GAS7: variants seen among roughly 807,000 people sequenced by gnomAD.
GAS7 encodes growth arrest-specific protein 7.
A neutral mutation model predicts 71.1 loss-of-function variants in GAS7; 28 were observed. The ratio of observed to expected loss-of-function variants is 0.39; its 90% CI spans 0.29 to 0.54. GAS7 has a LOEUF of 0.54. Ranked by LOEUF, GAS7 falls within the 20% of genes least tolerant of loss-of-function variation. GAS7 has a pLI of 0.62. For missense variants in GAS7, 436 were observed against 627.8 expected, an observed-to-expected ratio of 0.69 and a Z score of 3.27; for synonymous variants, 258 against 245.8, an observed-to-expected ratio of 1.05 and a Z score of -0.46.
chr17:9,929,037 C>T (rs989254666), intron 9 of GAS7, among the ~76,000 whole-genome samples: 8 of 152,152 alleles, frequency 5.3e-5, no homozygotes, highest in African/African-American at 1.9e-4. Flanking sequence ...AGGAAAACAT[C>T]CCCACCTGGC....
chr17:10,174,989 G>A (rs981490120), intron 1 of GAS7, among the ~76,000 whole-genome samples: 6 of 152,050 alleles, frequency 3.9e-5, no homozygotes, highest in Non-Finnish European at 5.9e-5. Context: ...GGGACCACAC[G>A]TGCATGCCAC....
At position 10,127,998 on chromosome 17, in the gene GAS7, T is replaced by C. The variant is rs550813020; in HGVS notation, c.183+70210A>G. Among the ~76,000 whole-genome samples, 4 of 152,292 alleles carry C rather than the reference T, an allele frequency of 2.6e-5. No individual in the cohort carries two copies. In the South Asian group the frequency reaches 8.3e-4, roughly 32 times the overall value. On this transcript the variant is annotated intron_variant, in intron 1 of 13. Coordinates refer to ENST00000432992, the MANE Select transcript of GAS7 (RefSeq NM_201433.2). ...ATCCTCTGCTCTCAGGCGTTCAGCTTGGATGGACTCCGAGGGGAGGCAGCA... is the reference window on the plus strand; with the variant it reads ...ATCCTCTGCTCTCAGGCGTTCAGCTCGGATGGACTCCGAGGGGAGGCAGCA...
At chr17:10,044,073 T>TGACAAGCAATTG (rs1476666104) in intron 1 of GAS7, among the ~76,000 whole-genome samples, 1 of 152,268 alleles carries the variant, frequency 6.6e-6, no homozygotes, top group Non-Finnish European at 1.5e-5. Context: ...GACGTCAGTC[T>TGACAAGCAATTG]ACGGTACCTG....
At chr17:9,948,756 A>G (rs945388085) in intron 5 of GAS7, among the ~76,000 whole-genome samples, 4 of 151,742 alleles carry the variant, frequency 2.6e-5, no homozygotes, top group African/African-American at 9.7e-5. Context: ...AGAAATTTTC[A>G]GGTCATCTCA....
chr17:10,192,712 A>G (rs2074511538), intron 1 of GAS7, among the ~76,000 whole-genome samples: 1 of 152,226 alleles, frequency 6.6e-6, no homozygotes, highest in South Asian at 2.1e-4. Context: ...TGGGGTAGCC[A>G]CTGACCAGTC....
intron 1 of GAS7, among the ~76,000 whole-genome samples, chr17:10,174,469 G>A (rs2142134863): frequency 6.6e-6 from 1 of 152,274 alleles, no homozygotes; most frequent in Non-Finnish European, 1.5e-5. Context: ...GAGACGGGCG[G>A]ATCACGAGGT....
At chr17:10,081,209 C>A (rs1028465363) in intron 1 of GAS7, among the ~76,000 whole-genome samples, 1 of 152,136 alleles carries the variant, frequency 6.6e-6, no homozygotes, top group East Asian at 1.9e-4. Flanking sequence ...GGCTGGAGTG[C>A]GATGGCGCGA....
intron 1 of GAS7, among the ~76,000 whole-genome samples, chr17:10,183,503 C>T (rs2074431089): frequency 6.6e-6 from 1 of 152,172 alleles, no homozygotes; most frequent in South Asian, 2.1e-4. Context: ...GCTCTTCTAC[C>T]AGGCTCTCCT....
At chr17:10,196,165 GCT>G (rs1255435513) in intron 1 of GAS7, among the ~76,000 whole-genome samples, 1 of 152,106 alleles carries the variant, frequency 6.6e-6, no homozygotes, top group Non-Finnish European at 1.5e-5. Flanking sequence ...TCGCTCACAC[GCT>G]GTTTGGCATA....
intron 1 of GAS7, among the ~76,000 whole-genome samples, chr17:10,111,413 G>C (rs1335120941): frequency 6.6e-6 from 1 of 152,220 alleles, no homozygotes; most frequent in East Asian, 1.9e-4. Context: ...TGCACCTGTA[G>C]TCTCAGCTAC....
chr17:10,079,859 A>G (rs888371618), intron 1 of GAS7, among the ~76,000 whole-genome samples: 3 of 152,236 alleles, frequency 2.0e-5, no homozygotes, highest in Admixed American at 6.5e-5. Flanking sequence ...TAAAGAAAAA[A>G]AATACACCAC....
At chr17:10,077,651 C>G (rs2073409838) in intron 1 of GAS7, among the ~76,000 whole-genome samples, 1 of 152,162 alleles carries the variant, frequency 6.6e-6, no homozygotes, top group Non-Finnish European at 1.5e-5. Context: ...ACTCTCAAGG[C>G]AAACTAGTCC....
At chr17:9,990,365 G>C (rs981305606) in intron 2 of GAS7, among the ~76,000 whole-genome samples, 1 of 152,214 alleles carries the variant, frequency 6.6e-6, no homozygotes, top group Non-Finnish European at 1.5e-5. Context: ...TGCTGACTTC[G>C]CCCAGAGCGA....
At chr17:9,922,868 T>C (rs1351062677) in intron 11 of GAS7, among the ~76,000 whole-genome samples, 1 of 152,126 alleles carries the variant, frequency 6.6e-6, no homozygotes, top group Non-Finnish European at 1.5e-5. Context: ...GAAAAATAAA[T>C]GTCTGGTGGG....
chr17:10,109,793 C>T (rs1373145650), intron 1 of GAS7, among the ~76,000 whole-genome samples: 6 of 152,100 alleles, frequency 3.9e-5, no homozygotes, highest in Non-Finnish European at 7.4e-5. Flanking sequence ...CGGTGGTACA[C>T]GCCTGTAATC....
intron 5 of GAS7, 106 bp from the exon 6 acceptor site, chr17:9,947,089 G>GA: frequency 4.3e-6 from 3 of 691,356 alleles, no homozygotes; most frequent in Non-Finnish European, 7.6e-6. Context: ...CCTATTGACA[G>GA]AACACGCACA....
intron 4 of GAS7, among the ~76,000 whole-genome samples, chr17:9,962,828 G>A (rs1043321913): frequency 1.3e-5 from 2 of 152,128 alleles, no homozygotes; most frequent in African/African-American, 2.4e-5. Flanking sequence ...CACCTTAACC[G>A]AGAGTGCAAA....
chr17:10,019,818 G>T lies in GAS7; in HGVS notation c.263C>A (p.Ser88Ter). The change falls in exon 2 of 14, where the codon TCG becomes TAG. Residue 88 changes from serine to a stop codon, truncating the protein, a stop_gained. Transcript: ENST00000432992. LOFTEE classifies it high-confidence loss of function. ...GACATAGTACCGCCGGCCCTGAGGC[G>T]ACAGGTAGCTCTGCCAGCCAGGTGG... ...ILPPGWQSYL[S>*]PQGRRYYVNT... is the part of the protein sequence containing the mutation. The T allele has an allele frequency of 6.2e-7, 1 of 1,614,024 alleles. No homozygotes were observed. Among genetic ancestry groups the T allele is most frequent in the Non-Finnish European group, 8.5e-7 (1 of 1,179,928 alleles).
At chr17:10,166,799 T>C (rs183375770) in intron 1 of GAS7, among the ~76,000 whole-genome samples, 8 of 152,300 alleles carry the variant, frequency 5.3e-5, no homozygotes, top group African/African-American at 1.9e-4. Flanking sequence ...AAGGAACTCA[T>C]AACTGATTTA....
Sources: allele counts gnomAD v4.1 joint callset (sites outside exome capture counted in the v4.1 genomes callset), GRCh38; gene constraint gnomAD v4.1.1; transcripts MANE v1.5; gene names NCBI Gene and HGNC (gene_info 2026-07-23, HGNC 2026-07-21).